The following FRMD1 variants were observed in gnomAD, a reference collection of about 807,000 sequenced individuals.
FRMD1 encodes the protein FERM domain-containing protein 1.
FRMD1 carries 51 observed loss-of-function variants against 54.9 expected under a neutral mutation model. That is an observed-to-expected ratio of 0.93 (90% CI 0.74 to 1.17). FRMD1 has a LOEUF of 1.17. Ranked by LOEUF, FRMD1 falls within the 50% of genes most tolerant of loss-of-function variation. The pLI, the probability that FRMD1 is intolerant of heterozygous loss-of-function variation, is 0.00. For missense variants in FRMD1, 729 were observed against 743.0 expected (o/e 0.98, Z 0.22); for synonymous variants, 324 against 306.4 (o/e 1.06, Z -0.60).
At chr6:168,063,269 C>G (rs1317427085) in intron 6 of FRMD1, among the ~76,000 whole-genome samples, 1 of 147,162 alleles carries the variant, frequency 6.8e-6, no homozygotes, top group Non-Finnish European at 1.5e-5. Context: ...GGGTCCTGGT[C>G]CCATCCCACT....
chr6:168,061,728 G>A (rs993804434), intron 8 of FRMD1, 79 bp downstream of exon 8: 23 of 1,398,200 alleles, frequency 1.6e-5, no homozygotes, highest in Middle Eastern at 2.5e-4. Flanking sequence ...GGCATAGTCC[G>A]GCCAGAGCCC....
At chr6:168,072,056 C>T (rs1025460767) in intron 2 of FRMD1, among the ~76,000 whole-genome samples, 2 of 152,260 alleles carry the variant, frequency 1.3e-5, no homozygotes, top group Admixed American at 6.5e-5. Context: ...AGAAGCCAGC[C>T]GATGGCGTCC....
chr6:168,090,276 C>T (rs2115033734), intron 1 of FRMD1, among the ~76,000 whole-genome samples: 2 of 152,296 alleles, frequency 1.3e-5, no homozygotes, highest in Middle Eastern at 3.4e-3. Flanking sequence ...CAGCAGAGAA[C>T]TCCTGCTCAA....
At chr6:168,067,654 A>C in intron 2 of FRMD1, 1 of 518,108 alleles carries the variant, frequency 1.9e-6, no homozygotes, top group Non-Finnish European at 3.4e-6. Flanking sequence ...TGCTTACTAA[A>C]ACAATGTTCC....
intron 2 of FRMD1, among the ~76,000 whole-genome samples, chr6:168,074,652 C>T (rs1800482644): frequency 4.3e-5 from 4 of 93,364 alleles, no homozygotes; most frequent in South Asian, 3.7e-4. Flanking sequence ...GGTGTGTGTG[C>T]ATGTGTGTGG....
chr6:168,055,911 A>C lies in FRMD1; in HGVS notation c.*1186T>G, dbSNP rs1279170397. On this transcript the variant is annotated 3_prime_UTR_variant, in exon 11 of 11. Transcript: ENST00000283309. The stretch of plus-strand genomic sequence containing the variant: ...TGGACCCGTCAAAGAGGCGGCCTCA[A>C]TGCACGCAGCCCTGCACCAGGCCAT... 1 of 152,268 alleles carries C rather than the reference A, an allele frequency of 6.6e-6. No individual in the cohort carries two copies. Among genetic ancestry groups the C allele is most frequent in the Non-Finnish European group, 1.5e-5 (1 of 68,078 alleles). The allele number at this position is 152,268 out of a possible 1,614,324, so 9.4% of individuals were successfully genotyped here. A position where few individuals can be genotyped will look rare whatever the true frequency, so the allele number is the denominator to read the frequency against.
At position 168,056,460 on chromosome 6, in the gene FRMD1, A is replaced by G. The variant is rs1583158783; in HGVS notation, c.*637T>C. The G allele has an allele frequency of 6.6e-6, 1 of 152,396 alleles. No individual in the cohort carries two copies. The highest frequency in any genetic ancestry group is 2.1e-4 in the South Asian group (1 of 4,832). The allele number at this position is 152,396 out of a possible 1,614,324, so 9.4% of individuals were successfully genotyped here. A position where few individuals can be genotyped will look rare whatever the true frequency, so the allele number is the denominator to read the frequency against. ...GGGGTCTTTGGAAGCCCTGGCTTGG[A>G]AGGGAAAGCACAGCCATTGACTGTG... On this transcript the variant is annotated 3_prime_UTR_variant, in exon 11 of 11. Transcript: ENST00000283309.
intron 7 of FRMD1, 177 bp downstream of exon 7, chr6:168,062,717 A>G: frequency 6.4e-7 from 1 of 1,553,608 alleles, no homozygotes; most frequent in Non-Finnish European, 8.7e-7. Context: ...GTCGTACAGC[A>G]GCTGCGGAGC....
At chr6:168,080,723 C>T (rs1415723624), upstream of FRMD1, among the ~76,000 whole-genome samples, 10 of 152,136 alleles carry the variant, frequency 6.6e-5, no homozygotes, top group Non-Finnish European at 1.2e-4. Flanking sequence ...CAGGACCCCT[C>T]GGTGGGGAGA....
Position 168,059,170 on chromosome 6 carries a change from C to A in FRMD1, c.1361G>T (p.Cys454Phe). 6.3e-7 allele frequency: 1 copy of A among 1,586,716 alleles called. No individual in the cohort carries two copies. The highest frequency in any genetic ancestry group is 8.5e-7 in the Non-Finnish European group (1 of 1,170,104). Residue 454 changes from cysteine to phenylalanine, a missense_variant, in exon 10 of 11, where the codon TGC (cysteine) becomes TTC (phenylalanine). Coordinates refer to ENST00000283309, the MANE Select transcript of FRMD1 (RefSeq NM_024919.6). This position sits in a 1 kb window ranked among gnomAD's most constrained non-coding sequence, Gnocchi z 4.4. ...CTGGCCTCTGGTCCTGACCTGGGTG[C>A]AGGGCTCCTGACGAGTGGCTGTGGG... ...GDSQATRQEP[C>F]TQVRTRGQSA...
At chr6:168,065,879 G>T (rs533302258) in intron 4 of FRMD1, 2 of 1,000,204 alleles carry the variant, frequency 2.0e-6, no homozygotes, top group East Asian at 2.3e-4. Flanking sequence ...TTTCCCCCAG[G>T]GTAAACCCTG....
upstream of FRMD1, among the ~76,000 whole-genome samples, chr6:168,086,353 GCCC>G (rs1281494474): frequency 2.7e-5 from 4 of 145,958 alleles, no homozygotes; most frequent in Non-Finnish European, 3.0e-5. Context: ...ACACCCATGT[GCCC>G]AGTGTGGACA....
chr6:168,075,814 C>T (rs937774080), intron 1 of FRMD1: 1 of 1,548,856 alleles, frequency 6.5e-7, no homozygotes, highest in Non-Finnish European at 8.7e-7. Flanking sequence ...AGCCTCTAAA[C>T]ACCCAGCGTC....
upstream of FRMD1, among the ~76,000 whole-genome samples, chr6:168,082,514 G>A (rs1003570866): frequency 1.3e-5 from 2 of 152,190 alleles, no homozygotes; most frequent in African/African-American, 2.4e-5. Flanking sequence ...GCTTCTCGCC[G>A]TGCTCAGTAA....
chr6:168,060,776 G>A lies in FRMD1; in HGVS notation c.1327C>T (p.Arg443Cys), dbSNP rs771891629. Residue 443 changes from arginine (R) to cysteine (C), a missense_variant, in exon 9 of 11, where the codon CGT (arginine) becomes TGT (cysteine). Arg to Cys is a radical substitution (Grantham distance 180). Transcript: ENST00000283309. Reference protein sequence around the residue: ...PRTSRSHPSTRGDSQATRQEP... With the variant: ...PRTSRSHPSTCGDSQATRQEP... ...TCGGGCCCACCTTGGCTGTCACCAC[G>A]TGTGCTGGGGTGGCTGCGGCTGGTC... is the stretch of plus-strand genomic sequence containing the variant. 13 of 1,609,606 alleles carry A rather than the reference G, an allele frequency of 8.1e-6. No homozygotes were observed. Among genetic ancestry groups the A allele is most frequent in the Non-Finnish European group, 1.0e-5 (12 of 1,176,848 alleles).
intron 1 of FRMD1, among the ~76,000 whole-genome samples, chr6:168,078,080 T>C (rs1214581071): frequency 6.6e-6 from 1 of 152,184 alleles, no homozygotes; most frequent in Admixed American, 6.5e-5. Flanking sequence ...AATGATACAT[T>C]AGCTATGCAG....
chr6:168,081,300 C>A, upstream of FRMD1: 1 of 1,458,646 alleles, frequency 6.9e-7, no homozygotes, highest in Non-Finnish European at 9.1e-7. Context: ...ACTTTGCACC[C>A]TGAGAAGGCA....
upstream of FRMD1, among the ~76,000 whole-genome samples, chr6:168,080,519 G>A (rs987589612): frequency 2.0e-5 from 3 of 152,214 alleles, no homozygotes; most frequent in Non-Finnish European, 4.4e-5. Context: ...ACTGGCGCCT[G>A]AGCAGCTCGT....
At chr6:168,081,495 C>T (rs1325803574), upstream of FRMD1, 1 of 1,533,636 alleles carries the variant, frequency 6.5e-7, no homozygotes, top group Admixed American at 2.0e-5. Flanking sequence ...CCCTGGAGTC[C>T]TCCTCGGCCC....
Sources: gnomAD v4.1 joint callset for allele counts (sites outside exome capture counted in the v4.1 genomes callset) on GRCh38, gnomAD v4.1.1 for gene constraint, Gnocchi (gnomAD v3.1) non-coding constraint, MANE v1.5 for transcripts, NCBI Gene and HGNC (gene_info 2026-07-23, HGNC 2026-07-21) for gene names.